PTPRM: variants seen among roughly 807,000 people sequenced by gnomAD.
PTPRM encodes protein tyrosine phosphatase receptor type M.
Under a neutral mutation model 186.7 loss-of-function variants are expected in PTPRM, and 47 were observed. The observed-to-expected ratio is 0.25, with a 90% CI of 0.20 to 0.32. The LOEUF is 0.32. PTPRM is among the 10% of genes least tolerant of loss of function. The probability of loss-of-function intolerance (pLI) is 1.00; values close to 1 mark genes in which losing one functional copy is unlikely to be tolerated. For synonymous variants in PTPRM, 668 were observed against 674.9 expected, an observed-to-expected ratio of 0.99 and a Z score of 0.16; for missense variants, 1,494 against 1,865.0, an observed-to-expected ratio of 0.80 and a Z score of 3.66.
At chr18:8,030,186 A>G (rs140802295) in intron 7 of PTPRM, among the ~76,000 whole-genome samples, 1 of 152,228 alleles carries the variant, frequency 6.6e-6, no homozygotes. Context: ...CTTTATTCAC[A>G]TAGTCCATGT....
chr18:8,288,156 A>C (rs2094978260), intron 19 of PTPRM, among the ~76,000 whole-genome samples: 1 of 152,240 alleles, frequency 6.6e-6, no homozygotes, highest in South Asian at 2.1e-4. Flanking sequence ...ATTCCATAAG[A>C]AGCAGCAGAG....
chr18:8,231,689 C>G (rs1014010621), intron 14 of PTPRM, among the ~76,000 whole-genome samples: 4 of 152,172 alleles, frequency 2.6e-5, no homozygotes, highest in African/African-American at 7.2e-5. Flanking sequence ...CATTTCTCTC[C>G]TGTCCTACCT....
At chr18:7,806,026 G>T (rs1393544850) in intron 2 of PTPRM, among the ~76,000 whole-genome samples, 1 of 152,210 alleles carries the variant, frequency 6.6e-6, no homozygotes, top group Non-Finnish European at 1.5e-5. Context: ...GTGTAGTGGG[G>T]TCTACAGTTT....
At chr18:8,174,626 T>A (rs1222262895) in intron 14 of PTPRM, among the ~76,000 whole-genome samples, 1 of 152,198 alleles carries the variant, frequency 6.6e-6, no homozygotes, top group Non-Finnish European at 1.5e-5. Flanking sequence ...ATAGGGAAAG[T>A]GCAATTTGCT....
intron 14 of PTPRM, among the ~76,000 whole-genome samples, chr18:8,205,257 A>C (rs1368738646): frequency 1.3e-5 from 2 of 152,236 alleles, no homozygotes; most frequent in African/African-American, 4.8e-5. Context: ...CTATTCCTGC[A>C]CATAAAAGGA....
intron 7 of PTPRM, among the ~76,000 whole-genome samples, chr18:8,040,384 G>T (rs1007451998): frequency 5.9e-5 from 9 of 152,122 alleles, no homozygotes; most frequent in Non-Finnish European, 1.2e-4. Flanking sequence ...GTGTAAGGTT[G>T]CATTGGGCTC....
intron 23 of PTPRM, among the ~76,000 whole-genome samples, chr18:8,365,359 G>T (rs946606135): frequency 9.9e-5 from 15 of 152,170 alleles, no homozygotes; most frequent in Non-Finnish European, 2.1e-4. Flanking sequence ...GCCCTTGCTA[G>T]GTCTCTTCTG....
chr18:7,738,601 A>T (rs1249473362), intron 1 of PTPRM, among the ~76,000 whole-genome samples: 2 of 141,690 alleles, frequency 1.4e-5, no homozygotes, highest in East Asian at 2.0e-4. Context: ...ACACCCGGCT[A>T]TTTTTTTTTT....
At chr18:7,725,650 T>C (rs2040533275) in intron 1 of PTPRM, among the ~76,000 whole-genome samples, 1 of 151,298 alleles carries the variant, frequency 6.6e-6, no homozygotes, top group African/African-American at 2.5e-5. Flanking sequence ...AAGAAGCAGC[T>C]TAACCTCGGA....
chr18:7,862,943 G>A (rs972215847), intron 2 of PTPRM, among the ~76,000 whole-genome samples: 3 of 151,966 alleles, frequency 2.0e-5, no homozygotes, highest in Admixed American at 6.6e-5. Flanking sequence ...AATGAAATAC[G>A]GACAAACTTG....
intron 7 of PTPRM, among the ~76,000 whole-genome samples, chr18:7,967,659 G>A (rs1373553486): frequency 7.6e-6 from 1 of 131,508 alleles, no homozygotes; most frequent in Non-Finnish European, 1.6e-5. Context: ...CGTGAAGAAT[G>A]CAGAAGCCTC....
At chr18:8,119,051 A>T (rs539084698) in intron 13 of PTPRM, among the ~76,000 whole-genome samples, 174 of 152,156 alleles carry the variant, frequency 1.1e-3, no homozygotes, top group Middle Eastern at 3.4e-3. Context: ...AGCCTTAAAC[A>T]AAAAGAAAAC....
chr18:8,179,581 T>C (rs2093543636), intron 14 of PTPRM, among the ~76,000 whole-genome samples: 1 of 152,034 alleles, frequency 6.6e-6, no homozygotes, highest in Admixed American at 6.5e-5. Flanking sequence ...GCAATTCTCC[T>C]GCCTCAGTCT....
intron 1 of PTPRM, among the ~76,000 whole-genome samples, chr18:7,679,550 A>T (rs2039430194): frequency 6.6e-6 from 1 of 152,190 alleles, no homozygotes. Context: ...CTGTAATCCC[A>T]GCTATTCGGG....
intron 4 of PTPRM, among the ~76,000 whole-genome samples, chr18:7,918,311 A>C (rs144141403): frequency 2.5e-4 from 38 of 152,106 alleles, no homozygotes; most frequent in African/African-American, 8.2e-4. Context: ...GAGAAACCTC[A>C]ATGCAGTTTT....
intron 1 of PTPRM, among the ~76,000 whole-genome samples, chr18:7,663,939 G>A (rs999341391): frequency 1.3e-5 from 2 of 152,174 alleles, no homozygotes; most frequent in Non-Finnish European, 2.9e-5. Context: ...CTCTGAGTGG[G>A]GATGTCAAGC....
chr18:7,795,537 G>T (rs1284510457), intron 2 of PTPRM, among the ~76,000 whole-genome samples: 1 of 151,392 alleles, frequency 6.6e-6, no homozygotes, highest in Non-Finnish European at 1.5e-5. Flanking sequence ...TAAACTCTTT[G>T]TTATGTCTTT....
chr18:7,594,597 G>A (rs1220931478), intron 1 of PTPRM, among the ~76,000 whole-genome samples: 1 of 152,192 alleles, frequency 6.6e-6, no homozygotes, highest in Non-Finnish European at 1.5e-5. Flanking sequence ...AAGCTCGCCT[G>A]CTGTCCTGCA....
chr18:8,078,159 C>T (rs1020346062), intron 9 of PTPRM, among the ~76,000 whole-genome samples: 3 of 152,156 alleles, frequency 2.0e-5, no homozygotes, highest in African/African-American at 4.8e-5. Context: ...TCTCCCTTTC[C>T]CATGTTTTCT....
Sources: allele counts gnomAD v4.1 joint callset (sites outside exome capture counted in the v4.1 genomes callset), GRCh38; gene constraint gnomAD v4.1.1; transcripts MANE v1.5; gene names NCBI Gene and HGNC (gene_info 2026-07-23, HGNC 2026-07-21).